Variants in AGAP1 observed in about 807,000 individuals in gnomAD.
The protein encoded by AGAP1 is ArfGAP with GTPase domain, ankyrin repeat and PH domain 1.
Under a neutral mutation model 105.3 loss-of-function variants are expected in AGAP1, and 29 were observed. The ratio of observed to expected loss-of-function variants is 0.28; its 90% CI spans 0.21 to 0.38. AGAP1 has a LOEUF of 0.38. AGAP1 is among the 10% of genes least tolerant of loss of function. The pLI is 1.00. For missense variants in AGAP1, 998 were observed against 1,165.1 expected (o/e 0.86, Z 2.09); for synonymous variants, 509 against 485.9 (o/e 1.05, Z -0.63).
At chr2:235,802,042 G>A (rs1957519919) in intron 8 of AGAP1, among the ~76,000 whole-genome samples, 1 of 144,534 alleles carries the variant, frequency 6.9e-6, no homozygotes, top group Non-Finnish European at 1.5e-5. Flanking sequence ...AACACTTGAA[G>A]GCAGAGAGAA....
intron 1 of AGAP1, among the ~76,000 whole-genome samples, chr2:235,590,618 A>G: frequency 7.2e-6 from 1 of 139,644 alleles, no homozygotes; most frequent in East Asian, 2.1e-4. Flanking sequence ...AGGATAGGCC[A>G]CTCATTTTTG....
Position 235,788,258 on chromosome 2 carries a change from C to A in AGAP1, c.674-9501C>A, listed in dbSNP as rs555456917. On this transcript the variant is annotated intron_variant, in intron 6 of 17. Transcript: ENST00000304032. This position sits in a 1 kb window ranked among gnomAD's most constrained non-coding sequence, Gnocchi z 6.0. ...TTCCAGACACAGCTTAATTCCTTCA[C>A]GCTGGAGTATGACTTGGATGTACAA... Among the ~76,000 whole-genome samples the A allele has an allele frequency of 3.9e-5, 6 of 152,286 alleles. No homozygotes were observed. The highest frequency in any genetic ancestry group is 3.9e-4 in the Admixed American group (6 of 15,296).
At position 236,120,557 on chromosome 2, in the gene AGAP1, A is replaced by G; in HGVS notation, c.2370+110A>G. On this transcript the variant is annotated intron_variant, in intron 17 of 17. Coordinates refer to ENST00000304032, the MANE Select transcript of AGAP1 (RefSeq NM_001037131.3). The surrounding 1 kb of genome is among the most constrained non-coding windows in gnomAD (Gnocchi z 6.0). ...AGAAGGCTGTTGTTCTCGATCTGCAAGTGGAAACAGTTCCTAATGGGAAAC... is the reference window on the plus strand; with the variant it reads ...AGAAGGCTGTTGTTCTCGATCTGCAGGTGGAAACAGTTCCTAATGGGAAAC... The G allele has an allele frequency of 6.6e-7, 1 of 1,524,114 alleles. No homozygotes were observed. The highest frequency in any genetic ancestry group is 1.3e-5 in the South Asian group (1 of 77,862). The allele number at this position is 1,524,114 out of a possible 1,614,324, so 94.4% of individuals were successfully genotyped here. A position where few individuals can be genotyped will look rare whatever the true frequency, so the allele number is the denominator to read the frequency against.
Position 235,600,928 on chromosome 2 carries a change from C to T in AGAP1, c.163+106079C>T, listed in dbSNP as rs769807532. Among the ~76,000 whole-genome samples, 1 of 152,198 alleles carries T rather than the reference C, an allele frequency of 6.6e-6. No individual in the cohort carries two copies. The highest frequency in any genetic ancestry group is 6.5e-5 in the Admixed American group (1 of 15,284). ...CCACCATTGTTTCACCTGCAGCCTC[C>T]CCCATCTCAGCTGGTGCTCACTTTA... On this transcript the variant is annotated intron_variant, in intron 1 of 17. Transcript: ENST00000304032. The surrounding 1 kb of genome is among the most constrained non-coding windows in gnomAD (Gnocchi z 4.8).
intron 3 of AGAP1, chr2:235,718,463 T>A: frequency 2.2e-6 from 2 of 903,524 alleles, no homozygotes; most frequent in Non-Finnish European, 2.6e-6. Context: ...CACTTTGTAC[T>A]GTAGCGTTCC....
Position 236,035,379 on chromosome 2 carries a change from C to T in AGAP1, c.1646-1182C>T, listed in dbSNP as rs930822543. On this transcript the variant is annotated intron_variant, in intron 13 of 17. Transcript: ENST00000304032. This position sits in a 1 kb window ranked among gnomAD's most constrained non-coding sequence, Gnocchi z 4.2. ...GTCTGGTGCAGTGGCTCACACTTGT[C>T]ACTCAGCACTTTGGGAGGCCAAGGA... Among the ~76,000 whole-genome samples, 5 of 152,140 alleles carry T rather than the reference C, an allele frequency of 3.3e-5. No homozygotes were observed. The highest frequency in any genetic ancestry group is 1.3e-4 in the Admixed American group (2 of 15,276).
intron 2 of AGAP1, among the ~76,000 whole-genome samples, chr2:235,715,452 C>T (rs1366258212): frequency 6.6e-6 from 1 of 152,104 alleles, no homozygotes; most frequent in Non-Finnish European, 1.5e-5. Context: ...GAAAGTGAAG[C>T]CCTCCTCAGG....
intron 9 of AGAP1, among the ~76,000 whole-genome samples, chr2:235,857,988 G>T (rs1007963157): frequency 2.0e-5 from 3 of 152,264 alleles, no homozygotes; most frequent in African/African-American, 7.2e-5. Flanking sequence ...TCTGGTACAG[G>T]ACTGGAGAGT....
rs1407628080 is a variant in AGAP1 at position 236,020,604 on chromosome 2, A to G, written c.1646-15957A>G. 6.6e-6 allele frequency among the ~76,000 whole-genome samples: 1 copy of G among 152,166 alleles called. No homozygotes were observed. The highest frequency in any genetic ancestry group is 1.9e-4 in the East Asian group (1 of 5,188). ...TCCTCTCTGTTCTTTTCTTCCTCGCATGCAGACAATAAAACCTACCTTGAA... is the reference window on the plus strand; with the variant it reads ...TCCTCTCTGTTCTTTTCTTCCTCGCGTGCAGACAATAAAACCTACCTTGAA... On this transcript the variant is annotated intron_variant, in intron 13 of 17. Transcript: ENST00000304032. This position sits in a 1 kb window ranked among gnomAD's most constrained non-coding sequence, Gnocchi z 5.0.
At chr2:235,648,884 CAAA>C (rs34285333) in intron 1 of AGAP1, among the ~76,000 whole-genome samples, 21 of 139,606 alleles carry the variant, frequency 1.5e-4, no homozygotes, top group African/African-American at 3.9e-4. Context: ...GAGACTGTCT[CAAA>C]AAAAAAAAAA....
At chr2:235,581,866 A>AT (rs1944945106) in intron 1 of AGAP1, among the ~76,000 whole-genome samples, 1 of 152,186 alleles carries the variant, frequency 6.6e-6, no homozygotes, top group Admixed American at 6.5e-5. Context: ...TCACGGGGAC[A>AT]TTCTCAAACA....
intron 16 of AGAP1, among the ~76,000 whole-genome samples, chr2:236,063,758 T>C (rs2058271148): frequency 6.6e-6 from 1 of 152,188 alleles, no homozygotes; most frequent in South Asian, 2.1e-4. Context: ...GAGATCTGAC[T>C]TCACAGAATT....
In AGAP1 at chr2:235,659,097, G is replaced by T. The variant is rs1241890655; in HGVS notation, c.164-50082G>T. 2.6e-5 allele frequency among the ~76,000 whole-genome samples: 4 copies of T among 152,080 alleles called. No individual in the cohort carries two copies. Among genetic ancestry groups the T allele is most frequent in the African/African-American group, 9.7e-5 (4 of 41,406 alleles). On this transcript the variant is annotated intron_variant, in intron 1 of 17. Coordinates refer to ENST00000304032, the MANE Select transcript of AGAP1 (RefSeq NM_001037131.3). The surrounding 1 kb of genome is among the most constrained non-coding windows in gnomAD (Gnocchi z 5.0). ...GCCTCCTTTTGCAAGTCCACCTGCC[G>T]TTCTGGGCTTGCCCTGGGGAAGGCC...
chr2:235,614,776 T>C lies in AGAP1; in HGVS notation c.164-94403T>C, dbSNP rs1314277267. On this transcript the variant is annotated intron_variant, in intron 1 of 17. Transcript: ENST00000304032. This position sits in a 1 kb window ranked among gnomAD's most constrained non-coding sequence, Gnocchi z 4.7. ...CTTTTGTGGGAAATAGAACACAGCG[T>C]TGGGTACCAAGAGGGTGCTGTCTTT... 6.6e-6 allele frequency among the ~76,000 whole-genome samples: 1 copy of C among 152,182 alleles called. No homozygotes were observed. The highest frequency in any genetic ancestry group is 2.4e-5 in the African/African-American group (1 of 41,442).
chr2:235,677,852 C>T (rs1039493221), intron 1 of AGAP1, among the ~76,000 whole-genome samples: 3 of 121,476 alleles, frequency 2.5e-5, no homozygotes, highest in East Asian at 2.8e-4. Flanking sequence ...TTGGTGGAGG[C>T]GAGAGAAGAA....
At chr2:235,637,357 C>T (rs11694544) in intron 1 of AGAP1, among the ~76,000 whole-genome samples, 16 of 152,136 alleles carry the variant, frequency 1.1e-4, no homozygotes, top group Admixed American at 2.0e-4. Flanking sequence ...ACTGCAGCCT[C>T]GACCTCCTGG....
At chr2:235,709,082 C>T (rs1950692988) in intron 1 of AGAP1, 97 bp from the exon 2 acceptor site, 4 of 1,224,530 alleles carry the variant, frequency 3.3e-6, no homozygotes, top group Non-Finnish European at 4.8e-6. Flanking sequence ...GCACCATCTT[C>T]AGTGACCTTC....
At chr2:235,726,720 G>T (rs1235270073) in intron 3 of AGAP1, among the ~76,000 whole-genome samples, 3 of 152,142 alleles carry the variant, frequency 2.0e-5, no homozygotes, top group African/African-American at 7.2e-5. Flanking sequence ...AAGCCCCGGG[G>T]CCATGCTCGC....
chr2:236,021,396 C>T (rs2056879480), intron 13 of AGAP1, among the ~76,000 whole-genome samples: 1 of 152,072 alleles, frequency 6.6e-6, no homozygotes, highest in Non-Finnish European at 1.5e-5. Context: ...CCTGGTAAGC[C>T]CGGGTCTCCT....
Sources: allele counts gnomAD v4.1 joint callset (sites outside exome capture counted in the v4.1 genomes callset), GRCh38; gene constraint gnomAD v4.1.1; non-coding constraint Gnocchi (gnomAD v3.1); transcripts MANE v1.5; gene names NCBI Gene and HGNC (gene_info 2026-07-23, HGNC 2026-07-21).